Variants in AGBL2 observed in about 807,000 individuals in gnomAD.
AGBL2 encodes cytosolic carboxypeptidase 2.
In AGBL2, 87 loss-of-function variants were observed where a neutral mutation model predicts 103.0. That is an observed-to-expected ratio of 0.84 (90% CI 0.71 to 1.01). The LOEUF is 1.01. Ranked by LOEUF, AGBL2 falls within the 50% of genes least tolerant of loss-of-function variation. The pLI, the probability that AGBL2 is intolerant of heterozygous loss-of-function variation, is 0.00. For synonymous variants in AGBL2, 335 were observed against 356.7 expected (o/e 0.94, Z 0.69); for missense variants, 904 against 1,023.5 (o/e 0.88, Z 1.59).
At chr11:47,714,875 C>A in intron 1 of AGBL2, 125 bp from the exon 2 acceptor site, 2 of 569,954 alleles carry the variant, frequency 3.5e-6, no homozygotes, top group Admixed American at 6.0e-5. Flanking sequence ...GGTGGTCACG[C>A]CGAGGCCAGA....
At chr11:47,677,527 C>T (rs1374223950) in intron 13 of AGBL2, 126 bp from the exon 14 acceptor site, 3 of 460,624 alleles carry the variant, frequency 6.5e-6, no homozygotes, top group Non-Finnish European at 9.3e-6. Flanking sequence ...TATCTTGGCT[C>T]ACTGCAACCT....
chr11:47,698,168 A>ATTTTTTTTT (rs35161992), intron 8 of AGBL2, among the ~76,000 whole-genome samples: 36 of 79,832 alleles, frequency 4.5e-4, no homozygotes, highest in Non-Finnish European at 8.1e-4. Context: ...AGTCTACATA[A>ATTTTTTTTT]TTTTTTTTTT....
chr11:47,672,595 G>A (rs537195938), intron 14 of AGBL2, among the ~76,000 whole-genome samples: 39 of 152,246 alleles, frequency 2.6e-4, no homozygotes, highest in African/African-American at 6.3e-4. Context: ...GACTACAGGC[G>A]TGAGCCACTG....
chr11:47,714,036 G>A, intron 3 of AGBL2: 1 of 475,524 alleles, frequency 2.1e-6, no homozygotes, highest in Admixed American at 3.3e-5. Flanking sequence ...GTAAAGGATA[G>A]CCAAACAGAC....
chr11:47,682,191 C>A (rs554998224), intron 11 of AGBL2, 96 bp from the exon 12 acceptor site: 16 of 1,240,962 alleles, frequency 1.3e-5, no homozygotes, highest in Non-Finnish European at 1.7e-5. Flanking sequence ...TCCTTGGGGT[C>A]CATATGTTAT....
In AGBL2 at chr11:47,714,318, CAT is replaced by C; in HGVS notation, c.61_62del (p.Met21ValfsTer11). 3 of 1,612,272 alleles carry C rather than the reference CAT, an allele frequency of 1.9e-6. No homozygotes were observed. Among genetic ancestry groups the C allele is most frequent in the Non-Finnish European group, 2.5e-6 (3 of 1,179,306 alleles). ...QTIPDPYEDF[M>X]YRHLQYYGYF... ...AGCCATAATATTGGAGGTGACGGTA[CAT>C]AAAGTCTTCATAAGGATCAGGAATA... On this transcript the variant is annotated frameshift_variant, in exon 3 of 19. Coordinates refer to ENST00000525123, the MANE Select transcript of AGBL2 (RefSeq NM_024783.4). LOFTEE classifies it high-confidence loss of function.
chr11:47,690,890 G>A (rs772362764), intron 9 of AGBL2, 32 bp from the exon 10 acceptor site: 39 of 1,536,226 alleles, frequency 2.5e-5, no homozygotes, highest in Non-Finnish European at 3.4e-5. Context: ...AACTCTGTAA[G>A]CTTACACCCT....
intron 14 of AGBL2, among the ~76,000 whole-genome samples, chr11:47,672,633 G>T (rs1025561226): frequency 5.3e-5 from 8 of 152,074 alleles, no homozygotes; most frequent in African/African-American, 1.7e-4. Context: ...GTTTTTGAGG[G>T]TGTATTTGGA....
chr11:47,698,299 A>G (rs1402467266), intron 8 of AGBL2, among the ~76,000 whole-genome samples: 2 of 150,662 alleles, frequency 1.3e-5, no homozygotes, highest in Non-Finnish European at 2.9e-5. Flanking sequence ...TAGCCTCCCA[A>G]GTAGCTGGGA....
intron 9 of AGBL2, 74 bp from the exon 10 acceptor site, chr11:47,690,932 T>C: frequency 8.0e-7 from 1 of 1,248,228 alleles, no homozygotes; most frequent in Non-Finnish European, 1.1e-6. Flanking sequence ...AAATGTTGTT[T>C]TCTCCTGGTA....
At chr11:47,668,200 C>T (rs891072867) in intron 15 of AGBL2, among the ~76,000 whole-genome samples, 1 of 116,130 alleles carries the variant, frequency 8.6e-6, no homozygotes, top group Non-Finnish European at 1.8e-5. Flanking sequence ...CAGAGTGAGA[C>T]TCCATCTCAA....
chr11:47,704,585 G>C lies in AGBL2; in HGVS notation c.544C>G (p.Pro182Ala). 1 of 1,613,890 alleles carries C rather than the reference G, an allele frequency of 6.2e-7. No individual in the cohort carries two copies. Among genetic ancestry groups the C allele is most frequent in the Non-Finnish European group, 8.5e-7 (1 of 1,179,944 alleles). ...TCCTTGATGACCTCACATTCAATTG[G>C]CCATCTTGGAGCCTGCAGTGGCCTC... ...TKRPLQAPRW[P>A]IECEVIKENI... The change falls in exon 7 of 19, where the codon CCA (proline) becomes GCA (alanine). Residue 182 changes from proline (P) to alanine (A), a missense_variant. Pro to Ala is a conservative substitution (Grantham distance 27). Coordinates refer to ENST00000525123, the MANE Select transcript of AGBL2 (RefSeq NM_024783.4).
At position 47,710,404 on chromosome 11, in the gene AGBL2, C is replaced by T. The variant is rs2097533421; in HGVS notation, c.205G>A (p.Asp69Asn). ...SLGEKDDLIP[D>N]TLQKEKLLWP... ...AGAAGCTTCTCCTTTTGCAGGGTGT[C>T]TGGTATCAAATCATCTTTTTCCCCA... The change falls in exon 4 of 19, where the codon GAC becomes AAC. Residue 69 changes from aspartate (D) to asparagine (N), a missense_variant. Coordinates refer to ENST00000525123, the MANE Select transcript of AGBL2 (RefSeq NM_024783.4). 1 of 1,613,980 alleles carries T rather than the reference C, an allele frequency of 6.2e-7. No homozygotes were observed. Among genetic ancestry groups the T allele is most frequent in the African/African-American group, 1.3e-5 (1 of 74,902 alleles).
rs747356228 is a variant in AGBL2, at chr11:47,692,205, C to T, written c.746G>A (p.Gly249Glu). Reference sequence around the variant, plus strand: ...CGTGACAGCAAGTTCCTTGACAATTCCTCGTTTGCCTCCCACTCTGGAACT... The same window carrying T: ...CGTGACAGCAAGTTCCTTGACAATTTCTCGTTTGCCTCCCACTCTGGAACT... ...FTSSRVGGKR[G>E]IVKELAVTLQ... The change falls in exon 9 of 19, where the codon GGA (glycine) becomes GAA (glutamate). Residue 249 changes from glycine to glutamate, a missense_variant. Transcript: ENST00000525123. 8 of 1,613,696 alleles carry T rather than the reference C, an allele frequency of 5.0e-6. No individual in the cohort carries two copies. The African/African-American group carries it at 9.3e-5, about 19-fold the overall frequency.
rs542940733 is a variant in AGBL2 at position 47,706,064 on chromosome 11, G to A, written c.233-147C>T. The stretch of plus-strand genomic sequence containing the variant: ...ATCTTTCTCCCATACTTTAATGGGG[G>A]AAATAAAAGGAAATAAACATTTGAA... On this transcript the variant is annotated intron_variant, in intron 4 of 18. Transcript: ENST00000525123. 7 of 647,524 alleles carry A rather than the reference G, an allele frequency of 1.1e-5. No homozygotes were observed. The East Asian group carries it at 1.6e-4, about 14-fold the overall frequency. The allele number at this position is 647,524 out of a possible 1,614,324, so 40.1% of individuals were successfully genotyped here.
At chr11:47,714,513 GC>G in intron 2 of AGBL2, 104 bp downstream of exon 2, 1 of 1,387,418 alleles carries the variant, frequency 7.2e-7, no homozygotes, top group Non-Finnish European at 1.0e-6. Context: ...GAGAAAAGAT[GC>G]CACCAGAACA....
At chr11:47,706,890 C>CAG (rs1554968232) in intron 4 of AGBL2, among the ~76,000 whole-genome samples, 1 of 53,240 alleles carries the variant, frequency 1.9e-5, no homozygotes, top group Non-Finnish European at 3.0e-5. Flanking sequence ...CTCTACTATT[C>CAG]CAAAAAAAAA....
intron 3 of AGBL2, among the ~76,000 whole-genome samples, chr11:47,711,988 G>A (rs1306377345): frequency 3.9e-5 from 6 of 152,134 alleles, no homozygotes; most frequent in Admixed American, 2.6e-4. Context: ...TAGGAGGATC[G>A]CTTAAGCCTG....
At chr11:47,707,372 C>T (rs4303192) in intron 4 of AGBL2, among the ~76,000 whole-genome samples, 30,232 of 152,088 alleles carry the variant, frequency 0.2, 3,461 homozygotes, top group East Asian at 0.3. Flanking sequence ...GTTTAATGGA[C>T]TTACACTTCC....
Sources: allele counts gnomAD v4.1 joint callset (sites outside exome capture counted in the v4.1 genomes callset), GRCh38; gene constraint gnomAD v4.1.1; transcripts MANE v1.5; gene names NCBI Gene and HGNC (gene_info 2026-07-23, HGNC 2026-07-21).